The following ZMAT4 variants were observed in gnomAD, a reference collection of about 807,000 sequenced individuals.
ZMAT4 encodes the protein zinc finger matrin-type protein 4.
A neutral mutation model predicts 28.7 loss-of-function variants in ZMAT4; 17 were observed. The observed-to-expected ratio is 0.59, with a 90% CI of 0.41 to 0.89. ZMAT4 has a LOEUF of 0.89. Among genes scored for constraint, ZMAT4 ranks in the 40% least tolerant of loss-of-function variants. The probability of loss-of-function intolerance (pLI) is 0.00; values close to 1 mark genes in which losing one functional copy is unlikely to be tolerated. For synonymous variants in ZMAT4, 117 were observed against 109.2 expected, an observed-to-expected ratio of 1.07 and a Z score of -0.44; for missense variants, 240 against 283.8, an observed-to-expected ratio of 0.85 and a Z score of 1.11.
chr8:40,616,688 A>G (rs1159055602), intron 5 of ZMAT4, among the ~76,000 whole-genome samples: 1 of 152,090 alleles, frequency 6.6e-6, no homozygotes, highest in Non-Finnish European at 1.5e-5. Flanking sequence ...TTGAACAATG[A>G]GAACACTTGG....
intron 1 of ZMAT4, among the ~76,000 whole-genome samples, chr8:40,881,594 GAAAGAAAAGAA>G (rs1818269902): frequency 1.8e-4 from 19 of 108,522 alleles, no homozygotes; most frequent in African/African-American, 6.4e-4. Flanking sequence ...AAGAAAGAAA[GAAAGAAAAGAA>G]AAGAAAAGAG....
At chr8:40,557,553 T>G (rs1241317534) in intron 6 of ZMAT4, among the ~76,000 whole-genome samples, 2 of 152,224 alleles carry the variant, frequency 1.3e-5, no homozygotes, top group African/African-American at 4.8e-5. Flanking sequence ...CTGTCCATTC[T>G]TCAACAACTC....
At chr8:40,806,623 A>G (rs2150592094) in intron 2 of ZMAT4, among the ~76,000 whole-genome samples, 1 of 152,330 alleles carries the variant, frequency 6.6e-6, no homozygotes, top group African/African-American at 2.4e-5. Flanking sequence ...ATAGAGAATA[A>G]GTCAAGTTGT....
At chr8:40,833,635 G>T (rs182998950) in intron 1 of ZMAT4, among the ~76,000 whole-genome samples, 12 of 151,854 alleles carry the variant, frequency 7.9e-5, no homozygotes, top group Admixed American at 3.3e-4. Context: ...GCAGCGCAGG[G>T]GAAGACGTCT....
chr8:40,826,269 G>C (rs1816036801), intron 1 of ZMAT4, among the ~76,000 whole-genome samples: 2 of 152,090 alleles, frequency 1.3e-5, no homozygotes. Flanking sequence ...TCCAAATTCA[G>C]ATAAATTATT....
At chr8:40,626,720 T>C (rs2722425) in intron 5 of ZMAT4, among the ~76,000 whole-genome samples, 119,269 of 152,122 alleles carry the variant, frequency 0.78, 47,806 homozygotes, top group Non-Finnish European at 0.88. Context: ...AATAAAAATG[T>C]CCATGGATCT....
chr8:40,545,176 C>A (rs537592824), intron 6 of ZMAT4, among the ~76,000 whole-genome samples: 1 of 151,882 alleles, frequency 6.6e-6, no homozygotes, highest in East Asian at 1.9e-4. Flanking sequence ...CAAGCAACTG[C>A]GCGAGTGAGG....
At chr8:40,614,054 T>C (rs1216422826) in intron 5 of ZMAT4, among the ~76,000 whole-genome samples, 1 of 152,236 alleles carries the variant, frequency 6.6e-6, no homozygotes, top group Non-Finnish European at 1.5e-5. Flanking sequence ...ACCTTCTGTG[T>C]CATCTTGCAG....
intron 5 of ZMAT4, among the ~76,000 whole-genome samples, chr8:40,673,061 T>C (rs1231324740): frequency 6.6e-6 from 1 of 152,214 alleles, no homozygotes; most frequent in Non-Finnish European, 1.5e-5. Context: ...CTCTATATAC[T>C]TAGCCATGGA....
chr8:40,564,273 TG>T (rs1803842441), intron 6 of ZMAT4, among the ~76,000 whole-genome samples: 1 of 152,170 alleles, frequency 6.6e-6, no homozygotes, highest in African/African-American at 2.4e-5. Context: ...AGTTTTGTAT[TG>T]ATCACTTCTC....
At chr8:40,592,797 A>C (rs1368482663) in intron 5 of ZMAT4, among the ~76,000 whole-genome samples, 1 of 152,214 alleles carries the variant, frequency 6.6e-6, no homozygotes, top group African/African-American at 2.4e-5. Flanking sequence ...TATACAGCAG[A>C]GGGAAGATGA....
At chr8:40,649,583 C>G (rs1807532361) in intron 5 of ZMAT4, among the ~76,000 whole-genome samples, 1 of 152,118 alleles carries the variant, frequency 6.6e-6, no homozygotes, top group African/African-American at 2.4e-5. Context: ...ACCTAATAGA[C>G]ATCTACAGAA....
chr8:40,756,175 G>T (rs574337183), intron 3 of ZMAT4, among the ~76,000 whole-genome samples: 14 of 152,028 alleles, frequency 9.2e-5, no homozygotes, highest in Admixed American at 7.9e-4. Context: ...TCATGCCTCT[G>T]GCATACAGAG....
At chr8:40,766,640 A>T (rs1813171310) in intron 3 of ZMAT4, among the ~76,000 whole-genome samples, 1 of 152,230 alleles carries the variant, frequency 6.6e-6, no homozygotes, top group South Asian at 2.1e-4. Context: ...TAGTCTGTGT[A>T]TGAACAGCTC....
chr8:40,800,953 T>C (rs990299322), intron 2 of ZMAT4, among the ~76,000 whole-genome samples: 2 of 151,840 alleles, frequency 1.3e-5, no homozygotes, highest in African/African-American at 2.4e-5. Context: ...TTCGAAAACA[T>C]GAATAAAATC....
At chr8:40,739,028 A>G (rs1173008288) in intron 3 of ZMAT4, among the ~76,000 whole-genome samples, 3 of 152,238 alleles carry the variant, frequency 2.0e-5, no homozygotes, top group African/African-American at 7.2e-5. Flanking sequence ...CTGGTTGTCA[A>G]GAAATTGCAT....
rs1397264613 is a variant in ZMAT4 at position 40,589,736 on chromosome 8, C to CTTTCTTTCTTTCTTTCT, written c.578-8492_578-8476dup. On this transcript the variant is annotated intron_variant, in intron 5 of 6. Transcript: ENST00000297737. ...TCCTTCTTCCTTCTTCCTTTCCTTT[C>CTTTCTTTCTTTCTTTCT]TTTCTTTCTTTCTTTCTTTCTTTCT... 3.5e-5 allele frequency among the ~76,000 whole-genome samples: 3 copies of CTTTCTTTCTTTCTTTCT among 86,090 alleles called. No individual in the cohort carries two copies. The South Asian group carries it at 9.7e-4, about 28-fold the overall frequency. The allele number at this position is 86,090 out of a possible 152,430, so 56.5% of individuals were successfully genotyped here.
At chr8:40,796,597 A>C (rs1814609059) in intron 2 of ZMAT4, among the ~76,000 whole-genome samples, 3 of 152,158 alleles carry the variant, frequency 2.0e-5, no homozygotes, top group Non-Finnish European at 4.4e-5. Flanking sequence ...TCAAAACTGC[A>C]GACCTACAGT....
At chr8:40,611,988 G>A (rs1448078806) in intron 5 of ZMAT4, among the ~76,000 whole-genome samples, 1 of 152,196 alleles carries the variant, frequency 6.6e-6, no homozygotes, top group Admixed American at 6.5e-5. Context: ...AAAGGCTGGA[G>A]TAGTCCAGCA....
Sources: allele counts gnomAD v4.1 joint callset (sites outside exome capture counted in the v4.1 genomes callset), GRCh38; gene constraint gnomAD v4.1.1; transcripts MANE v1.5; gene names NCBI Gene and HGNC (gene_info 2026-07-23, HGNC 2026-07-21).